L3MBTL3: variants seen among roughly 807,000 people sequenced by gnomAD.
The protein encoded by L3MBTL3 is L3MBTL histone methyl-lysine binding protein 3, also known as lethal(3)malignant brain tumor-like protein 3.
In L3MBTL3, 27 loss-of-function variants were observed where a neutral mutation model predicts 102.3. The observed-to-expected ratio is 0.26, with a 90% CI of 0.19 to 0.36. The LOEUF (loss-of-function observed/expected upper bound fraction) is 0.36, where lower values mean the gene tolerates loss of function less well. Among genes scored for constraint, L3MBTL3 ranks in the 10% least tolerant of loss-of-function variants. The probability of loss-of-function intolerance (pLI) is 1.00; values close to 1 mark genes in which losing one functional copy is unlikely to be tolerated. For synonymous variants in L3MBTL3, 340 were observed against 320.9 expected (o/e 1.06, Z -0.64); for missense variants, 798 against 955.3 (o/e 0.84, Z 2.17).
chr6:130,136,886 G>A (rs1352570910), intron 22 of L3MBTL3, among the ~76,000 whole-genome samples: 1 of 152,134 alleles, frequency 6.6e-6, no homozygotes, highest in African/African-American at 2.4e-5. Context: ...CCAAAGTGCT[G>A]CAATTACACT....
chr6:130,081,922 C>T (rs1783383157), intron 14 of L3MBTL3, among the ~76,000 whole-genome samples: 1 of 152,078 alleles, frequency 6.6e-6, no homozygotes, highest in African/African-American at 2.4e-5. Context: ...CTTTCCTTGA[C>T]TTTTATGACC....
At chr6:130,063,651 T>G (rs1782054068) in intron 10 of L3MBTL3, among the ~76,000 whole-genome samples, 1 of 152,124 alleles carries the variant, frequency 6.6e-6, no homozygotes, top group African/African-American at 2.4e-5. Flanking sequence ...CATTAAAAAT[T>G]GAACTCACAA....
At chr6:130,050,981 T>G (rs1460477229) in intron 5 of L3MBTL3, among the ~76,000 whole-genome samples, 1 of 152,222 alleles carries the variant, frequency 6.6e-6, no homozygotes, top group Non-Finnish European at 1.5e-5. Context: ...CTAGTGAAAT[T>G]TTCTTCATTT....
intron 1 of L3MBTL3, among the ~76,000 whole-genome samples, chr6:130,020,069 A>C: frequency 6.8e-6 from 1 of 146,432 alleles, no homozygotes; most frequent in South Asian, 2.2e-4. Context: ...TTTTCCTGCA[A>C]CTTGTTTACG....
At chr6:130,115,268 A>G (rs1314668610) in intron 19 of L3MBTL3, among the ~76,000 whole-genome samples, 12 of 152,180 alleles carry the variant, frequency 7.9e-5, no homozygotes, top group Non-Finnish European at 1.3e-4. Flanking sequence ...GAACTTTCAC[A>G]CTTGAGCTGC....
At chr6:130,135,736 CA>C (rs1239174485) in intron 22 of L3MBTL3, among the ~76,000 whole-genome samples, 2 of 152,132 alleles carry the variant, frequency 1.3e-5, no homozygotes, top group East Asian at 3.9e-4. Flanking sequence ...ATGAATTATT[CA>C]TTCATTTACT....
intron 20 of L3MBTL3, among the ~76,000 whole-genome samples, chr6:130,132,111 C>T (rs1013616338): frequency 6.6e-6 from 1 of 152,148 alleles, no homozygotes; most frequent in East Asian, 1.9e-4. Flanking sequence ...TTAAAAACAA[C>T]TCAGATGCTC....
chr6:130,045,088 C>T, intron 3 of L3MBTL3, among the ~76,000 whole-genome samples: 1 of 152,134 alleles, frequency 6.6e-6, no homozygotes, highest in East Asian at 1.9e-4. Flanking sequence ...CCTGTAAAAT[C>T]CCCATGATTG....
intron 9 of L3MBTL3, among the ~76,000 whole-genome samples, chr6:130,059,700 C>T (rs1488193703): frequency 6.6e-6 from 1 of 152,120 alleles, no homozygotes; most frequent in Non-Finnish European, 1.5e-5. Flanking sequence ...ACAGCTTTAC[C>T]AGCACAGTGT....
In L3MBTL3 at chr6:130,064,616, C is replaced by T. The variant is rs115416001; in HGVS notation, c.865-1737C>T. Among the ~76,000 whole-genome samples the T allele has an allele frequency of 1.6e-3, 242 of 152,172 alleles. 3 individuals carry two copies. The highest frequency in any genetic ancestry group is 5.6e-3 in the African/African-American group (232 of 41,514). ...GGAGAGTTGCTTCAGCCATATGGCT[C>T]GAGCCTCGGCAGGGGAGAACTGGCC... On this transcript the variant is annotated intron_variant, in intron 10 of 22. Transcript: ENST00000361794.
At chr6:130,063,080 T>C (rs1782016124) in intron 10 of L3MBTL3, among the ~76,000 whole-genome samples, 1 of 143,826 alleles carries the variant, frequency 7.0e-6, no homozygotes, top group Non-Finnish European at 1.5e-5. Context: ...CACTAGGGAG[T>C]AGAGTATTGG....
rs1344996050 is a variant in L3MBTL3, at chr6:130,133,487, C to T, written c.2002C>T (p.Arg668Cys). 12 of 1,613,976 alleles carry T rather than the reference C, an allele frequency of 7.4e-6. No individual in the cohort carries two copies. The highest frequency in any genetic ancestry group is 4.5e-5 in the East Asian group (2 of 44,890). ...AGAACCCACCGTCCAGCAGGCACAGCGTCGGTCAGCTGTCTTTCTGTCCTT... is the reference window on the plus strand; with the variant it reads ...AGAACCCACCGTCCAGCAGGCACAGTGTCGGTCAGCTGTCTTTCTGTCCTT... ...REEPTVQQAQ[R>C]RSAVFLSFKS... Residue 668 changes from arginine to cysteine, a missense_variant, in exon 21 of 23, where the codon CGT (arginine) becomes TGT (cysteine). By Grantham distance (180) the Arg-to-Cys change is radical. Around this residue, in one of 4 missense-constraint regions of L3MBTL3, gnomAD observed 306 missense variants for 314.4 expected, o/e 0.97. Coordinates refer to ENST00000361794, the MANE Select transcript of L3MBTL3 (RefSeq NM_032438.4). The surrounding 1 kb of genome is among the most constrained non-coding windows in gnomAD (Gnocchi z 4.9).
chr6:130,087,840 T>C (rs6569652), intron 16 of L3MBTL3, among the ~76,000 whole-genome samples: 20,705 of 151,932 alleles, frequency 0.14, 3,977 homozygotes, highest in African/African-American at 0.43. Context: ...ATATCTGCTG[T>C]TGTTTTTTTT....
intron 7 of L3MBTL3, among the ~76,000 whole-genome samples, chr6:130,053,558 C>T (rs1193479869): frequency 6.6e-6 from 1 of 151,102 alleles, no homozygotes; most frequent in Non-Finnish European, 1.5e-5. Flanking sequence ...TGGCGTGAAC[C>T]TGGGAGGTGG....
At chr6:130,053,777 G>A (rs1562268898) in intron 7 of L3MBTL3, among the ~76,000 whole-genome samples, 1 of 152,146 alleles carries the variant, frequency 6.6e-6, no homozygotes, top group Non-Finnish European at 1.5e-5. Flanking sequence ...TGGTTTTATA[G>A]GAAAAGGGAA....
intron 16 of L3MBTL3, among the ~76,000 whole-genome samples, chr6:130,092,238 C>T (rs554565165): frequency 2.6e-5 from 4 of 151,938 alleles, no homozygotes; most frequent in Non-Finnish European, 5.9e-5. Context: ...AGGGATATTT[C>T]GTAAATTGAA....
intron 18 of L3MBTL3, among the ~76,000 whole-genome samples, chr6:130,098,224 A>G (rs528283444): frequency 1.4e-3 from 215 of 152,350 alleles, no homozygotes; most frequent in African/African-American, 5.0e-3. Context: ...TGTTTTCAAC[A>G]TTAGTAACTC....
intron 3 of L3MBTL3, among the ~76,000 whole-genome samples, chr6:130,046,861 G>A (rs1780756100): frequency 6.6e-6 from 1 of 152,170 alleles, no homozygotes; most frequent in African/African-American, 2.4e-5. Flanking sequence ...CATAGTGTTA[G>A]GAAATGTATC....
chr6:130,024,280 C>G lies in L3MBTL3; in HGVS notation c.-16+1975C>G, dbSNP rs182631418. Among the ~76,000 whole-genome samples the G allele has an allele frequency of 4.6e-3, 694 of 152,174 alleles. 2 individuals are homozygous for G. The highest frequency in any genetic ancestry group is 7.4e-3 in the Non-Finnish European group (506 of 67,982). On this transcript the variant is annotated intron_variant, in intron 2 of 22. Transcript: ENST00000361794. Reference sequence around the variant, plus strand: ...TTTTCTAGACCTCTTTGGCTGCAATCTAATTATAGCCAACTATGTAAAATC... The same window carrying G: ...TTTTCTAGACCTCTTTGGCTGCAATGTAATTATAGCCAACTATGTAAAATC...
Sources: allele counts gnomAD v4.1 joint callset (sites outside exome capture counted in the v4.1 genomes callset), GRCh38; gene constraint gnomAD v4.1.1; regional missense constraint gnomAD v4.1.1; non-coding constraint Gnocchi (gnomAD v3.1); transcripts MANE v1.5; gene names NCBI Gene and HGNC (gene_info 2026-07-23, HGNC 2026-07-21).